The following ENOX2 variants were observed in gnomAD, a reference collection of about 807,000 sequenced individuals.
ENOX2 encodes the protein APK1 antigen.
In ENOX2, 36 loss-of-function variants were observed where a neutral mutation model predicts 45.0. That is an observed-to-expected ratio of 0.80 (90% CI 0.61 to 1.06). The LOEUF (loss-of-function observed/expected upper bound fraction) is 1.06, where lower values mean the gene tolerates loss of function less well. Ranked by LOEUF, ENOX2 falls within the 50% of genes least tolerant of loss-of-function variation. The pLI is 0.00. For synonymous variants in ENOX2, 174 were observed against 152.3 expected (o/e 1.14, Z -1.05); for missense variants, 423 against 462.5 (o/e 0.91, Z 0.78).
At chrX:130,685,209 G>A (rs894602294) in intron 5 of ENOX2, among the ~76,000 whole-genome samples, 8 of 111,331 alleles carry the variant, frequency 7.2e-5, no homozygotes, top group Non-Finnish European at 1.1e-4. Flanking sequence ...CAGCATGAAG[G>A]TCAGTGTGAC....
chrX:130,810,310 G>A (rs779717369), intron 2 of ENOX2, among the ~76,000 whole-genome samples: 44 of 110,770 alleles, frequency 4.0e-4, no homozygotes, highest in African/African-American at 1.6e-4. Context: ...ATCCAGCCAC[G>A]ACATGTAGAC....
intron 2 of ENOX2, among the ~76,000 whole-genome samples, chrX:130,800,947 T>C (rs1214557883): frequency 1.8e-5 from 2 of 112,441 alleles, no homozygotes; most frequent in African/African-American, 6.5e-5. Context: ...CAAATATAAG[T>C]GAAGTCTGGA....
chrX:130,781,984 T>C (rs2076904923), intron 3 of ENOX2, among the ~76,000 whole-genome samples: 1 of 111,391 alleles, frequency 9.0e-6, no homozygotes, highest in Non-Finnish European at 1.9e-5. Context: ...TACTTTTTAG[T>C]AAACCCTTAA....
chrX:130,630,608 C>G (rs966516522), intron 13 of ENOX2, among the ~76,000 whole-genome samples: 2 of 111,604 alleles, frequency 1.8e-5, no homozygotes, highest in Admixed American at 9.5e-5. Context: ...GCTCTATACA[C>G]CTCTTCCATT....
intron 3 of ENOX2, among the ~76,000 whole-genome samples, chrX:130,706,710 G>A (rs900440461): frequency 4.5e-5 from 5 of 111,988 alleles, no homozygotes; most frequent in African/African-American, 1.6e-4. Flanking sequence ...ACAATAAGCA[G>A]TCTATACAAT....
At chrX:130,630,943 C>T (rs760832998) in intron 13 of ENOX2, among the ~76,000 whole-genome samples, 23 of 99,952 alleles carry the variant, frequency 2.3e-4, no homozygotes, top group South Asian at 2.1e-3. Context: ...AAAGACACCA[C>T]GTATCTGGTG....
intron 2 of ENOX2, among the ~76,000 whole-genome samples, chrX:130,833,147 C>T (rs1239419684): frequency 9.1e-6 from 1 of 110,291 alleles, no homozygotes; most frequent in Non-Finnish European, 1.9e-5. Flanking sequence ...AACTGCTTTA[C>T]ATGTTGATTT....
At chrX:130,813,074 G>A (rs1355151590) in intron 2 of ENOX2, among the ~76,000 whole-genome samples, 1 of 112,066 alleles carries the variant, frequency 8.9e-6, no homozygotes, top group African/African-American at 3.2e-5. Context: ...CGCTTAACCA[G>A]TAGGTATAAT....
intron 3 of ENOX2, among the ~76,000 whole-genome samples, chrX:130,767,414 T>C (rs762768548): frequency 4.5e-5 from 5 of 111,627 alleles, no homozygotes; most frequent in Non-Finnish European, 9.4e-5. Flanking sequence ...CTTCTGTCAC[T>C]GGAATATGGA....
At chrX:130,693,281 A>G (rs1042065624) in intron 4 of ENOX2, among the ~76,000 whole-genome samples, 88 of 112,488 alleles carry the variant, frequency 7.8e-4, no homozygotes, top group African/African-American at 2.8e-3. Context: ...ACAACCACGC[A>G]AACAGTTACA....
chrX:130,698,281 C>T (rs1160337110), intron 4 of ENOX2, among the ~76,000 whole-genome samples: 1 of 110,975 alleles, frequency 9.0e-6, no homozygotes, highest in Non-Finnish European at 1.9e-5. Flanking sequence ...CATGCATATT[C>T]ATAAAAGTAG....
At chrX:130,839,089 A>C (rs868824143) in intron 2 of ENOX2, among the ~76,000 whole-genome samples, 103 of 112,432 alleles carry the variant, frequency 9.2e-4, no homozygotes, top group Middle Eastern at 9.1e-3. Context: ...AAAGATAATA[A>C]ATTTAATCTT....
At chrX:130,759,819 A>C (rs1470655850) in intron 3 of ENOX2, among the ~76,000 whole-genome samples, 1 of 109,467 alleles carries the variant, frequency 9.1e-6, no homozygotes, top group East Asian at 2.8e-4. Flanking sequence ...AAATGTTAGG[A>C]TAATCTTGCC....
At chrX:130,881,736 G>A (rs1460415163) in intron 2 of ENOX2, among the ~76,000 whole-genome samples, 1 of 111,255 alleles carries the variant, frequency 9.0e-6, no homozygotes, top group Non-Finnish European at 1.9e-5. Context: ...TAGTAGCTCT[G>A]AGCGAGGATG....
chrX:130,713,013 T>C (rs2038233752), intron 3 of ENOX2, among the ~76,000 whole-genome samples: 1 of 112,531 alleles, frequency 8.9e-6, no homozygotes, highest in South Asian at 3.7e-4. Context: ...TTTATCATTA[T>C]ACTCATTTTA....
At chrX:130,821,311 A>G (rs2077592899) in intron 2 of ENOX2, among the ~76,000 whole-genome samples, 1 of 99,944 alleles carries the variant, frequency 1.0e-5, no homozygotes, top group Admixed American at 1.1e-4. Context: ...ACAATGATAG[A>G]CTGGATTAAG....
At chrX:130,806,278 T>C (rs2077298787) in intron 2 of ENOX2, among the ~76,000 whole-genome samples, 1 of 112,364 alleles carries the variant, frequency 8.9e-6, no homozygotes. Flanking sequence ...CTGTTAATAC[T>C]GCCATGTGTG....
At chrX:130,677,636 T>C (rs934908166) in intron 6 of ENOX2, among the ~76,000 whole-genome samples, 11 of 111,485 alleles carry the variant, frequency 9.9e-5, no homozygotes, top group Non-Finnish European at 2.1e-4. Context: ...AATGGATTAA[T>C]GGGTTGTCAT....
chrX:130,792,185 A>G (rs1201568369), intron 2 of ENOX2, among the ~76,000 whole-genome samples: 1 of 112,351 alleles, frequency 8.9e-6, no homozygotes, highest in Admixed American at 9.4e-5. Context: ...CTCACTTATA[A>G]GTGGAAGCTA....
Sources: gnomAD v4.1 joint callset for allele counts (sites outside exome capture counted in the v4.1 genomes callset) on GRCh38, gnomAD v4.1.1 for gene constraint, MANE v1.5 for transcripts, NCBI Gene and HGNC (gene_info 2026-07-23, HGNC 2026-07-21) for gene names.